Variants in SHANK2 observed in about 807,000 individuals in gnomAD.
The protein encoded by SHANK2 is SH3 and multiple ankyrin repeat domains protein 2.
A neutral mutation model predicts 133.7 loss-of-function variants in SHANK2; 43 were observed. The ratio of observed to expected loss-of-function variants is 0.32; its 90% CI spans 0.25 to 0.41. The LOEUF is 0.41. Ranked by LOEUF, SHANK2 falls within the 10% of genes least tolerant of loss-of-function variation. SHANK2 has a pLI of 1.00. For missense variants in SHANK2, 1,994 were observed against 2,235.8 expected (o/e 0.89, Z 2.18); for synonymous variants, 1,017 against 952.8 (o/e 1.07, Z -1.24).
intron 10 of SHANK2, among the ~76,000 whole-genome samples, chr11:70,954,002 A>G (rs190369439): frequency 4.5e-4 from 68 of 152,322 alleles, no homozygotes; most frequent in Non-Finnish European, 5.4e-4. Context: ...ACAGTCTTAC[A>G]TGAACTTTAC....
At chr11:70,915,287 C>G (rs1043003684) in intron 10 of SHANK2, among the ~76,000 whole-genome samples, 24 of 152,142 alleles carry the variant, frequency 1.6e-4, no homozygotes, top group African/African-American at 5.8e-4. Flanking sequence ...AATCCGCCAG[C>G]ACATGTTAGC....
chr11:71,083,184 G>A (rs1194910564), intron 8 of SHANK2, among the ~76,000 whole-genome samples: 1 of 152,102 alleles, frequency 6.6e-6, no homozygotes, highest in East Asian at 1.9e-4. Context: ...CAAGTGATCT[G>A]CCTGCCTCAG....
intron 17 of SHANK2, among the ~76,000 whole-genome samples, chr11:70,635,718 C>T (rs1234370747): frequency 1.3e-5 from 2 of 151,450 alleles, no homozygotes; most frequent in East Asian, 1.9e-4. Flanking sequence ...GGTATGTGCA[C>T]TGTACTACAA....
In SHANK2 at chr11:70,623,831, C is replaced by T. The variant is rs2136469462; in HGVS notation, c.2061+35997G>A. Among the ~76,000 whole-genome samples, 4 of 152,222 alleles carry T rather than the reference C, an allele frequency of 2.6e-5. No individual in the cohort carries two copies. In the East Asian group the frequency reaches 7.7e-4, roughly 29 times the overall value. On this transcript the variant is annotated intron_variant, in intron 17 of 25. Coordinates refer to ENST00000601538, the MANE Select transcript of SHANK2 (RefSeq NM_012309.5). Reference sequence around the variant, plus strand: ...TTCTACCAGACAGAGTTGCTTTAGACCAAGGAAGGAGAGAGAATTCAGGGC... The same window carrying T: ...TTCTACCAGACAGAGTTGCTTTAGATCAAGGAAGGAGAGAGAATTCAGGGC...
intron 10 of SHANK2, among the ~76,000 whole-genome samples, chr11:70,918,486 G>A (rs2135751245): frequency 6.6e-6 from 1 of 152,268 alleles, no homozygotes; most frequent in South Asian, 2.1e-4. Context: ...AAGTCTACAT[G>A]GATATCCTTA....
chr11:70,639,024 C>CA (rs1240814966), intron 17 of SHANK2, among the ~76,000 whole-genome samples: 5 of 147,026 alleles, frequency 3.4e-5, no homozygotes, highest in African/African-American at 7.4e-5. Flanking sequence ...AAAAAAAAAA[C>CA]AAAAAAAACA....
chr11:70,717,062 C>T lies in SHANK2; in HGVS notation c.1778-18299G>A, dbSNP rs528983748. The stretch of plus-strand genomic sequence containing the variant: ...TTTCTCCCTCTCCACCGTTACCACG[C>T]GGAAGGAGCACACCGTCCACTTGGT... On this transcript the variant is annotated intron_variant, in intron 14 of 25. Transcript: ENST00000601538. Among the ~76,000 whole-genome samples the T allele has an allele frequency of 7.2e-5, 11 of 152,306 alleles. No homozygotes were observed. The East Asian group carries it at 1.9e-3, about 27-fold the overall frequency.
At chr11:71,166,287 A>T (rs1298638186) in intron 2 of SHANK2, among the ~76,000 whole-genome samples, 1 of 152,224 alleles carries the variant, frequency 6.6e-6, no homozygotes, top group Admixed American at 6.5e-5. Context: ...AGACGGGCAG[A>T]CAGGACCTCT....
chr11:71,089,683 G>T (rs1216969426), intron 8 of SHANK2, among the ~76,000 whole-genome samples: 1 of 152,152 alleles, frequency 6.6e-6, no homozygotes, highest in African/African-American at 2.4e-5. Context: ...TGGGTCAGGC[G>T]TGAAGAGGCG....
At chr11:70,806,715 C>T (rs1039064859) in intron 13 of SHANK2, among the ~76,000 whole-genome samples, 3 of 152,156 alleles carry the variant, frequency 2.0e-5, no homozygotes, top group Non-Finnish European at 1.5e-5. Context: ...CTCTGCTCTT[C>T]GATGCCCTCA....
At chr11:70,942,128 G>A (rs927489121) in intron 10 of SHANK2, among the ~76,000 whole-genome samples, 4 of 152,016 alleles carry the variant, frequency 2.6e-5, no homozygotes, top group Non-Finnish European at 4.4e-5. Context: ...CGGAGGTTGC[G>A]GTGAACTGAG....
intron 3 of SHANK2, among the ~76,000 whole-genome samples, chr11:71,125,421 C>T (rs10897617): frequency 0.81 from 123,377 of 152,186 alleles, 50,240 homozygotes; most frequent in Non-Finnish European, 0.85. Flanking sequence ...TTAGTGCTGA[C>T]AGGGAGAAGG....
chr11:70,632,800 T>A (rs1004049298), intron 17 of SHANK2, among the ~76,000 whole-genome samples: 27 of 152,134 alleles, frequency 1.8e-4, no homozygotes, highest in Admixed American at 1.7e-3. Flanking sequence ...TGAAACAAGG[T>A]CATGTTGATC....
At chr11:71,093,653 T>C (rs1162943908) in intron 7 of SHANK2, among the ~76,000 whole-genome samples, 1 of 152,214 alleles carries the variant, frequency 6.6e-6, no homozygotes, top group Non-Finnish European at 1.5e-5. Flanking sequence ...GGAAACTTCC[T>C]GAGGCCTCCC....
chr11:70,661,548 CACACACAA>C (rs1565223418), intron 16 of SHANK2, 40 bp downstream of exon 16: 12 of 1,023,048 alleles, frequency 1.2e-5, no homozygotes, highest in East Asian at 7.6e-5. Flanking sequence ...CACACACACA[CACACACAA>C]ACATGGGAAC....
At chr11:71,065,513 G>T (rs1319825390) in intron 9 of SHANK2, among the ~76,000 whole-genome samples, 3 of 143,812 alleles carry the variant, frequency 2.1e-5, no homozygotes, top group Admixed American at 6.9e-5. Context: ...GGAAGTTGGG[G>T]TGTATGTGCA....
At chr11:70,677,449 T>C (rs1555017472) in intron 15 of SHANK2, among the ~76,000 whole-genome samples, 1 of 152,178 alleles carries the variant, frequency 6.6e-6, no homozygotes, top group African/African-American at 2.4e-5. Flanking sequence ...CTCGCTCGAA[T>C]GAAACCCTGC....
intron 11 of SHANK2, among the ~76,000 whole-genome samples, chr11:70,867,133 A>AAG (rs1555069213): frequency 8.3e-4 from 125 of 150,466 alleles, no homozygotes; most frequent in African/African-American, 2.7e-3. Context: ...AAAAAAAAAA[A>AAG]AGAGAGAGAG....
intron 14 of SHANK2, among the ~76,000 whole-genome samples, chr11:70,722,695 A>G (rs1486668653): frequency 1.3e-5 from 2 of 152,190 alleles, no homozygotes; most frequent in Non-Finnish European, 2.9e-5. Flanking sequence ...AAAATGAGAG[A>G]TGGTTTCTTA....
Sources: allele counts gnomAD v4.1 joint callset (sites outside exome capture counted in the v4.1 genomes callset), GRCh38; gene constraint gnomAD v4.1.1; transcripts MANE v1.5; gene names NCBI Gene and HGNC (gene_info 2026-07-23, HGNC 2026-07-21).